The following INPP4B variants were observed in gnomAD, a reference collection of about 807,000 sequenced individuals.
The protein encoded by INPP4B is inositol polyphosphate-4-phosphatase type II B, also known as inositol polyphosphate 4-phosphatase type II.
In INPP4B, 55 loss-of-function variants were observed where a neutral mutation model predicts 122.5. That is an observed-to-expected ratio of 0.45 (90% CI 0.36 to 0.56). The LOEUF (loss-of-function observed/expected upper bound fraction) is 0.56. Among genes scored for constraint, INPP4B ranks in the 20% least tolerant of loss-of-function variants. The probability of loss-of-function intolerance (pLI) is 0.00; values close to 1 mark genes in which losing one functional copy is unlikely to be tolerated. For synonymous variants in INPP4B, 403 were observed against 388.7 expected, an observed-to-expected ratio of 1.04 and a Z score of -0.43; for missense variants, 1,000 against 1,097.7, an observed-to-expected ratio of 0.91 and a Z score of 1.26.
chr4:142,052,714 G>A (rs1166975842), intron 25 of INPP4B, among the ~76,000 whole-genome samples: 2 of 151,926 alleles, frequency 1.3e-5, no homozygotes, highest in Non-Finnish European at 2.9e-5. Flanking sequence ...GGACACACTG[G>A]GGAAGTGAGT....
At chr4:142,243,412 CAT>C (rs1018450393) in intron 11 of INPP4B, among the ~76,000 whole-genome samples, 9 of 152,108 alleles carry the variant, frequency 5.9e-5, no homozygotes, top group African/African-American at 1.2e-4. Context: ...GTAATGAAAA[CAT>C]ATGGAAATTT....
At chr4:142,412,837 T>G (rs1351732151) in intron 5 of INPP4B, among the ~76,000 whole-genome samples, 2 of 152,146 alleles carry the variant, frequency 1.3e-5, no homozygotes, top group African/African-American at 2.4e-5. Flanking sequence ...CCATCTCATA[T>G]TTCCTCTCCA....
At position 142,658,260 on chromosome 4, in the gene INPP4B, C is replaced by T. The variant is rs1754515681; in HGVS notation, c.-191+67579G>A. On this transcript the variant is annotated intron_variant, in intron 2 of 25. Coordinates refer to ENST00000262992, the MANE Select transcript of INPP4B (RefSeq NM_001101669.3). Reference sequence around the variant, plus strand: ...AAGCTATAAAACTGTAATAGGTGCTCTTAAATACAGGCTTCTGATAACTTT... The same window carrying T: ...AAGCTATAAAACTGTAATAGGTGCTTTTAAATACAGGCTTCTGATAACTTT... Among the ~76,000 whole-genome samples the T allele has an allele frequency of 2.0e-5, 3 of 152,264 alleles. No homozygotes were observed. In the South Asian group the frequency reaches 6.2e-4, roughly 32 times the overall value.
chr4:142,118,681 CA>C (rs1795020380), intron 21 of INPP4B, among the ~76,000 whole-genome samples: 1 of 152,034 alleles, frequency 6.6e-6, no homozygotes, highest in Non-Finnish European at 1.5e-5. Context: ...GACCTAAAAC[CA>C]TAAAAACCCT....
intron 25 of INPP4B, among the ~76,000 whole-genome samples, chr4:142,046,094 C>G (rs1209348537): frequency 6.6e-6 from 1 of 151,896 alleles, no homozygotes; most frequent in African/African-American, 2.4e-5. Context: ...AACCAATATT[C>G]TACAAAACAA....
At chr4:142,249,681 T>C (rs1206595750) in intron 11 of INPP4B, among the ~76,000 whole-genome samples, 2 of 152,218 alleles carry the variant, frequency 1.3e-5, no homozygotes, top group Admixed American at 6.5e-5. Flanking sequence ...GAAGCTGAAC[T>C]GTCTTTCAGG....
At chr4:142,543,082 C>T (rs183158191) in intron 2 of INPP4B, among the ~76,000 whole-genome samples, 9 of 152,284 alleles carry the variant, frequency 5.9e-5, no homozygotes, top group African/African-American at 1.7e-4. Flanking sequence ...AGAATTGGAA[C>T]CTATTTCTCA....
intron 1 of INPP4B, among the ~76,000 whole-genome samples, chr4:142,785,376 T>A (rs1775610404): frequency 1.3e-5 from 2 of 152,070 alleles, no homozygotes; most frequent in South Asian, 4.2e-4. Context: ...CAGTTTAGAA[T>A]TATCAGATAA....
At chr4:142,331,706 C>A (rs1006455988) in intron 7 of INPP4B, among the ~76,000 whole-genome samples, 1 of 152,140 alleles carries the variant, frequency 6.6e-6, no homozygotes, top group Non-Finnish European at 1.5e-5. Flanking sequence ...GGGAAAGATG[C>A]ACGCCAAGAA....
At chr4:142,534,878 A>G (rs1828011019) in intron 2 of INPP4B, among the ~76,000 whole-genome samples, 1 of 152,036 alleles carries the variant, frequency 6.6e-6, no homozygotes, top group Admixed American at 6.6e-5. Flanking sequence ...ATTATCTAAG[A>G]GTAAGTAAAA....
chr4:142,809,287 G>A (rs1779218446), intron 1 of INPP4B, among the ~76,000 whole-genome samples: 1 of 151,946 alleles, frequency 6.6e-6, no homozygotes, highest in Non-Finnish European at 1.5e-5. Flanking sequence ...AATTTTCATT[G>A]ATGTAATATA....
intron 2 of INPP4B, among the ~76,000 whole-genome samples, chr4:142,643,317 T>G (rs1750967097): frequency 6.6e-6 from 1 of 152,160 alleles, no homozygotes; most frequent in Non-Finnish European, 1.5e-5. Flanking sequence ...TGCTTTATAA[T>G]ATTTATATAC....
At chr4:142,819,108 C>G (rs1362729095) in intron 1 of INPP4B, among the ~76,000 whole-genome samples, 1 of 152,158 alleles carries the variant, frequency 6.6e-6, no homozygotes, top group Non-Finnish European at 1.5e-5. Context: ...GAAGCCCGAA[C>G]ACTTGTATTC....
At chr4:142,734,755 C>T (rs572746296) in intron 1 of INPP4B, among the ~76,000 whole-genome samples, 89 of 152,288 alleles carry the variant, frequency 5.8e-4, no homozygotes, top group African/African-American at 2.0e-3. Flanking sequence ...GAGCGATTCT[C>T]TTGCCTTAGC....
intron 25 of INPP4B, among the ~76,000 whole-genome samples, chr4:142,035,194 G>A (rs910360152): frequency 2.0e-5 from 3 of 152,156 alleles, no homozygotes; most frequent in African/African-American, 7.2e-5. Context: ...GAGGCCAAAA[G>A]TCTGCCTTCA....
At chr4:142,692,934 G>GATAGATAGATAGATAGATAGATAC (rs1406520603) in intron 2 of INPP4B, among the ~76,000 whole-genome samples, 3 of 150,182 alleles carry the variant, frequency 2.0e-5, no homozygotes, top group Non-Finnish European at 4.4e-5. Flanking sequence ...TAGATAGATA[G>GATAGATAGATAGATAGATAGATAC]ATACATAGAT....
chr4:142,347,774 T>C (rs542253859), intron 7 of INPP4B, among the ~76,000 whole-genome samples: 3,814 of 152,060 alleles, frequency 0.025, 142 homozygotes, highest in African/African-American at 0.086. Context: ...TAAATATTTT[T>C]TTCTGAATTT....
intron 7 of INPP4B, among the ~76,000 whole-genome samples, chr4:142,381,545 G>A (rs1415540910): frequency 1.3e-5 from 2 of 151,998 alleles, no homozygotes; most frequent in Non-Finnish European, 2.9e-5. Flanking sequence ...CATATAAAAT[G>A]TTTAGATTAC....
At chr4:142,518,131 T>C (rs1456872562) in intron 2 of INPP4B, among the ~76,000 whole-genome samples, 1 of 152,184 alleles carries the variant, frequency 6.6e-6, no homozygotes, top group Non-Finnish European at 1.5e-5. Flanking sequence ...TTGATCTATT[T>C]CAGCAATTAG....
Sources: allele counts gnomAD v4.1 joint callset (sites outside exome capture counted in the v4.1 genomes callset), GRCh38; gene constraint gnomAD v4.1.1; transcripts MANE v1.5; gene names NCBI Gene and HGNC (gene_info 2026-07-23, HGNC 2026-07-21).